The following BLTP3B variants were observed in gnomAD, a reference collection of about 807,000 sequenced individuals.
BLTP3B encodes the protein UHRF1 (ICBP90) binding protein 1-like.
the BLTP3B span, among the ~76,000 whole-genome samples, chr12:100,066,014 ACTCTTT>A: frequency 6.6e-6 from 1 of 151,812 alleles, no homozygotes; most frequent in East Asian, 1.9e-4. Context: ...CTCTCTTTGT[ACTCTTT>A]CTCTTTATTT....
At chr12:100,077,097 A>G in the BLTP3B span, among the ~76,000 whole-genome samples, 1 of 152,224 alleles carries the variant, frequency 6.6e-6, no homozygotes. Flanking sequence ...GTCATGCACC[A>G]TATAATGACA....
chr12:100,107,879 C>T, the BLTP3B span, among the ~76,000 whole-genome samples: 1 of 152,026 alleles, frequency 6.6e-6, no homozygotes, highest in Non-Finnish European at 1.5e-5. Context: ...GGCCTACAGG[C>T]GCATGTGCTA....
the BLTP3B span, chr12:100,097,479 C>A: frequency 1.2e-6 from 2 of 1,611,204 alleles, no homozygotes; most frequent in South Asian, 1.1e-5. Flanking sequence ...TTATCATCTG[C>A]CAATTTATTT....
chr12:100,100,824 G>C, the BLTP3B span, among the ~76,000 whole-genome samples: 1 of 151,736 alleles, frequency 6.6e-6, no homozygotes, highest in Admixed American at 6.6e-5. Flanking sequence ...AAGAAAAGGA[G>C]CTTCAGAGAC....
chr12:100,134,838 G>A, the BLTP3B span, among the ~76,000 whole-genome samples: 5 of 152,030 alleles, frequency 3.3e-5, no homozygotes, highest in South Asian at 2.1e-4. Context: ...CTTACCTGTC[G>A]GTCAATCCTG....
At chr12:100,083,348 G>A in the BLTP3B span, among the ~76,000 whole-genome samples, 3 of 151,994 alleles carry the variant, frequency 2.0e-5, no homozygotes, top group Admixed American at 2.0e-4. Flanking sequence ...TCACATTTAA[G>A]TTAGTCTTCT....
chr12:100,086,484 C>T, the BLTP3B span: 2 of 601,122 alleles, frequency 3.3e-6, no homozygotes, highest in Admixed American at 3.3e-5. Context: ...TATGACGGCA[C>T]ATTAAGGATT....
the BLTP3B span, among the ~76,000 whole-genome samples, chr12:100,092,147 CTT>C: frequency 4.6e-5 from 7 of 152,130 alleles, no homozygotes. Flanking sequence ...TCTTCTTTCT[CTT>C]TTAGAGAAGA....
the BLTP3B span, among the ~76,000 whole-genome samples, chr12:100,077,332 T>C: frequency 5.3e-5 from 8 of 152,004 alleles, no homozygotes; most frequent in African/African-American, 1.9e-4. Context: ...AGCCTAGGAG[T>C]TTAAGTAGGC....
At chr12:100,053,773 T>C in the BLTP3B span, among the ~76,000 whole-genome samples, 2 of 152,304 alleles carry the variant, frequency 1.3e-5, no homozygotes, top group East Asian at 1.9e-4. Flanking sequence ...ATTTTTACTC[T>C]AGGGATTTCC....
chr12:100,086,319 G>A, the BLTP3B span: 1 of 1,354,898 alleles, frequency 7.4e-7, no homozygotes, highest in Non-Finnish European at 9.8e-7. Context: ...CTGTGTAAAA[G>A]AGAGTTGCAT....
the BLTP3B span, chr12:100,070,128 C>T: frequency 2.6e-6 from 4 of 1,546,148 alleles, no homozygotes; most frequent in African/African-American, 1.4e-5. Context: ...CAGATGTCTT[C>T]CTTCATCTAT....
At chr12:100,129,469 C>A in the BLTP3B span, among the ~76,000 whole-genome samples, 2 of 152,158 alleles carry the variant, frequency 1.3e-5, no homozygotes, top group Non-Finnish European at 2.9e-5. Flanking sequence ...AGTCCTGTGG[C>A]GGATGCTAAA....
At chr12:100,141,441 A>G in the BLTP3B span, among the ~76,000 whole-genome samples, 5 of 128,344 alleles carry the variant, frequency 3.9e-5, no homozygotes, top group Admixed American at 7.8e-5. Flanking sequence ...ATATGTATAT[A>G]TATGTACACA....
chr12:100,139,595 A>AG, the BLTP3B span, among the ~76,000 whole-genome samples: 1 of 152,214 alleles, frequency 6.6e-6, no homozygotes, highest in Non-Finnish European at 1.5e-5. Context: ...TGCCTCCTAA[A>AG]GCCACAGGGA....
chr12:100,079,202 T>C, the BLTP3B span, among the ~76,000 whole-genome samples: 1 of 152,162 alleles, frequency 6.6e-6, no homozygotes, highest in African/African-American at 2.4e-5. Context: ...AATGTGGAAG[T>C]GACTTTGGAA....
the BLTP3B span, among the ~76,000 whole-genome samples, chr12:100,079,902 C>A: frequency 1.3e-5 from 2 of 152,232 alleles, no homozygotes; most frequent in Admixed American, 1.3e-4. Flanking sequence ...CAACACAGAG[C>A]TTGGGCCATA....
chr12:100,129,787 G>A, the BLTP3B span, among the ~76,000 whole-genome samples: 1 of 152,176 alleles, frequency 6.6e-6, no homozygotes, highest in Non-Finnish European at 1.5e-5. Flanking sequence ...GGAAAAAAAG[G>A]AGAAAACTGT....
At chr12:100,104,864 TAC>T in the BLTP3B span, among the ~76,000 whole-genome samples, 2 of 128,064 alleles carry the variant, frequency 1.6e-5, no homozygotes, top group Admixed American at 1.7e-4. Context: ...CAATCCCTTT[TAC>T]AATAACTACT....
Sources: allele counts gnomAD v4.1 joint callset (sites outside exome capture counted in the v4.1 genomes callset), GRCh38; gene constraint gnomAD v4.1.1; transcripts MANE v1.5; gene names NCBI Gene and HGNC (gene_info 2026-07-23, HGNC 2026-07-21).